The following PPP2R2B variants were observed in gnomAD, a reference collection of about 807,000 sequenced individuals.
PPP2R2B encodes serine/threonine-protein phosphatase 2A 55 kDa regulatory subunit B beta isoform.
A neutral mutation model predicts 46.0 loss-of-function variants in PPP2R2B; 5 were observed. The observed-to-expected ratio is 0.11, with a 90% CI of 0.06 to 0.23. The LOEUF (loss-of-function observed/expected upper bound fraction) is 0.23. Ranked by LOEUF, PPP2R2B falls within the 10% of genes least tolerant of loss-of-function variation. The pLI is 1.00. For synonymous variants in PPP2R2B, 215 were observed against 206.7 expected, an observed-to-expected ratio of 1.04 and a Z score of -0.34; for missense variants, 367 against 575.0, an observed-to-expected ratio of 0.64 and a Z score of 3.70.
intron 1 of PPP2R2B, among the ~76,000 whole-genome samples, chr5:146,974,125 T>C (rs896479819): frequency 2.0e-5 from 3 of 151,994 alleles, no homozygotes; most frequent in African/African-American, 7.3e-5. Flanking sequence ...GGCAAGAAAG[T>C]ATCATTTGAG....
intron 1 of PPP2R2B, among the ~76,000 whole-genome samples, chr5:146,903,376 T>C (rs1762897910): frequency 6.8e-6 from 1 of 147,730 alleles, no homozygotes; most frequent in African/African-American, 2.5e-5. Context: ...TTCTTTTCTT[T>C]CTTGCTTTCT....
chr5:146,868,318 C>A (rs1186355075), intron 2 of PPP2R2B, among the ~76,000 whole-genome samples: 1 of 152,238 alleles, frequency 6.6e-6, no homozygotes, highest in African/African-American at 2.4e-5. Flanking sequence ...TGCACCAGAA[C>A]CTTCTTGCCA....
Position 147,013,902 on chromosome 5 carries a change from A to G in PPP2R2B, c.79+41763T>C, listed in dbSNP as rs1019886769. Among the ~76,000 whole-genome samples the G allele has an allele frequency of 4.0e-4, 60 of 148,172 alleles. 1 individual carries two copies. The highest frequency in any genetic ancestry group is 2.0e-4 in the Admixed American group (3 of 14,878). On this transcript the variant is annotated intron_variant, in intron 1 of 8. Transcript: ENST00000336640. ...TGACAAATGGGATCTAATTAAACTA[A>G]AGAGCTTCTGCACAGCAAAAGAAAC...
At chr5:146,736,790 C>A (rs1298158141) in intron 2 of PPP2R2B, among the ~76,000 whole-genome samples, 1 of 152,192 alleles carries the variant, frequency 6.6e-6, no homozygotes, top group East Asian at 1.9e-4. Context: ...GTGTTTTCAT[C>A]CCTGCTCAGT....
At chr5:146,789,123 A>C (rs1029966195) in intron 2 of PPP2R2B, among the ~76,000 whole-genome samples, 1 of 152,154 alleles carries the variant, frequency 6.6e-6, no homozygotes. Context: ...GATCACTGTG[A>C]GGCTTTTGTT....
intron 2 of PPP2R2B, among the ~76,000 whole-genome samples, chr5:146,733,712 C>CACACAG (rs1373179985): frequency 2.0e-5 from 3 of 152,148 alleles, no homozygotes; most frequent in African/African-American, 7.2e-5. Flanking sequence ...CACACAGACA[C>CACACAG]ACACACACAC....
intron 1 of PPP2R2B, among the ~76,000 whole-genome samples, chr5:146,992,090 AAG>A (rs1753720754): frequency 6.6e-6 from 1 of 152,190 alleles, no homozygotes; most frequent in Non-Finnish European, 1.5e-5. Context: ...AAAAAGAACA[AAG>A]AGTTATTAAA....
Position 146,581,402 on chromosome 5 carries a change from C to A in PPP2R2B, c.*8545G>T, listed in dbSNP as rs1251051578. 2 of 152,146 alleles carry A rather than the reference C, an allele frequency of 1.3e-5. No individual in the cohort carries two copies. The highest frequency in any genetic ancestry group is 2.9e-5 in the Non-Finnish European group (2 of 68,024). 9.4% of individuals were successfully genotyped at this position (152,146 alleles called of 1,614,324 possible). ...ATAGCACCAAGAAGATGGTGCTAAACCATGCATGAGAAATCCACCTCCACG... is the reference window on the plus strand; with the variant it reads ...ATAGCACCAAGAAGATGGTGCTAAAACATGCATGAGAAATCCACCTCCACG... On this transcript the variant is annotated 3_prime_UTR_variant, in exon 10 of 10. Coordinates refer to ENST00000394411, the MANE Select transcript of PPP2R2B (RefSeq NM_181675.4).
intron 7 of PPP2R2B, among the ~76,000 whole-genome samples, chr5:146,619,909 C>T (rs1773529631): frequency 6.6e-6 from 1 of 152,154 alleles, no homozygotes; most frequent in African/African-American, 2.4e-5. Context: ...TCTAATCTTC[C>T]TCCTATTATT....
rs1013703531 is a variant in PPP2R2B, at chr5:146,685,885, G to T, written c.447+5243C>A. 2.6e-5 allele frequency among the ~76,000 whole-genome samples: 4 copies of T among 151,878 alleles called. No individual in the cohort carries two copies. The East Asian group carries it at 7.7e-4, about 29-fold the overall frequency. ...AAAGGCTCTGCAGCCCTCACCCCCC[G>T]CCTTCCACCCCACCAAAATCTAGCT... On this transcript the variant is annotated intron_variant, in intron 5 of 9. Coordinates refer to ENST00000394411, the MANE Select transcript of PPP2R2B (RefSeq NM_181675.4).
intron 2 of PPP2R2B, among the ~76,000 whole-genome samples, chr5:146,745,182 GAGAGAGAGAGAGAGAGAGAGAGAGAA>G (rs1283873747): frequency 4.9e-5 from 6 of 123,068 alleles, no homozygotes; most frequent in Non-Finnish European, 9.2e-5. Context: ...GAGAGAGAGA[GAGAGAGAGAGAGAGAGAGAGAGAGAA>G]AGAGACTATA....
chr5:146,941,224 C>G (rs1425101346), intron 1 of PPP2R2B, among the ~76,000 whole-genome samples: 1 of 152,162 alleles, frequency 6.6e-6, no homozygotes, highest in Non-Finnish European at 1.5e-5. Context: ...TTCTTCTCCC[C>G]AACAAATGCC....
At chr5:147,012,885 C>A (rs935088680) in intron 1 of PPP2R2B, among the ~76,000 whole-genome samples, 1 of 152,066 alleles carries the variant, frequency 6.6e-6, no homozygotes, top group Non-Finnish European at 1.5e-5. Flanking sequence ...TGCAGTTGAG[C>A]GGTTTTGAGT....
chr5:146,920,009 A>ATT, intron 1 of PPP2R2B, among the ~76,000 whole-genome samples: 2 of 152,154 alleles, frequency 1.3e-5, no homozygotes, highest in Non-Finnish European at 2.9e-5. Flanking sequence ...TCATCTAAAA[A>ATT]ATGGGCTTAC....
intron 5 of PPP2R2B, among the ~76,000 whole-genome samples, chr5:146,674,521 C>T (rs577538775): frequency 6.6e-6 from 1 of 152,298 alleles, no homozygotes; most frequent in African/African-American, 2.4e-5. Context: ...CCTTTGTGTA[C>T]TGTCTTGATG....
At chr5:146,715,532 A>C (rs1780448665) in intron 2 of PPP2R2B, among the ~76,000 whole-genome samples, 2 of 152,226 alleles carry the variant, frequency 1.3e-5, no homozygotes, top group Non-Finnish European at 2.9e-5. Context: ...TATATTGGAT[A>C]CTGACTTTGG....
chr5:146,723,515 A>G (rs1173486686), intron 2 of PPP2R2B, among the ~76,000 whole-genome samples: 1 of 152,180 alleles, frequency 6.6e-6, no homozygotes, highest in African/African-American at 2.4e-5. Context: ...GGTTGTATAC[A>G]TGTATAAAAG....
chr5:146,965,289 T>C (rs899224648), intron 1 of PPP2R2B, among the ~76,000 whole-genome samples: 4 of 152,212 alleles, frequency 2.6e-5, no homozygotes, highest in African/African-American at 9.6e-5. Context: ...TTCTTATACA[T>C]ACACATAATT....
At chr5:146,791,490 G>T (rs922292690) in intron 2 of PPP2R2B, among the ~76,000 whole-genome samples, 5 of 152,040 alleles carry the variant, frequency 3.3e-5, no homozygotes, top group Non-Finnish European at 7.4e-5. Flanking sequence ...TGGCAACAGT[G>T]ATTGGTTCAG....
Sources: gnomAD v4.1 joint callset for allele counts (sites outside exome capture counted in the v4.1 genomes callset) on GRCh38, gnomAD v4.1.1 for gene constraint, MANE v1.5 for transcripts, NCBI Gene and HGNC (gene_info 2026-07-23, HGNC 2026-07-21) for gene names.